The following TRIM15 variants were observed in gnomAD, a reference collection of about 807,000 sequenced individuals.
TRIM15 encodes the protein tripartite motif containing 15.
In TRIM15, 35 loss-of-function variants were observed where a neutral mutation model predicts 35.8. That is an observed-to-expected ratio of 0.98 (90% CI 0.75 to 1.30). The LOEUF is 1.30. Ranked by LOEUF, TRIM15 falls within the 50% of genes most tolerant of loss-of-function variation. TRIM15 has a pLI of 0.00. For synonymous variants in TRIM15, 252 were observed against 249.8 expected (o/e 1.01, Z -0.08); for missense variants, 590 against 593.5 (o/e 0.99, Z 0.06).
rs1335794968 is a variant in TRIM15 at position 30,168,487 on chromosome 6, A to C, written c.665A>C (p.Glu222Ala). Residue 222 changes from glutamate to alanine, a missense_variant, in exon 3 of 7, where the codon GAG (glutamate) becomes GCG (alanine). By Grantham distance (107) the Glu-to-Ala change is moderately radical. Transcript: ENST00000376694. ...ACCCGGCTTGGAGCCCAGGTCAAGGAGCTGGAGGAGAAGTGTCAGCAGCCA... is the reference window on the plus strand; with the variant it reads ...ACCCGGCTTGGAGCCCAGGTCAAGGCGCTGGAGGAGAAGTGTCAGCAGCCA... The part of the protein sequence containing the change: ...EVTRLGAQVK[E>A]LEEKCQQPAS... The C allele has an allele frequency of 6.2e-7, 1 of 1,609,090 alleles. No homozygotes were observed. Among genetic ancestry groups the C allele is most frequent in the Non-Finnish European group, 8.5e-7 (1 of 1,177,982 alleles).
chr6:30,172,473 A>G lies in TRIM15; in HGVS notation c.*124A>G. 1 of 1,370,196 alleles carries G rather than the reference A, an allele frequency of 7.3e-7. No individual in the cohort carries two copies. The highest frequency in any genetic ancestry group is 2.3e-5 in the East Asian group (1 of 43,258). The allele number at this position is 1,370,196 out of a possible 1,614,324, so 84.9% of individuals were successfully genotyped here. A position where few individuals can be genotyped will look rare whatever the true frequency, so the allele number is the denominator to read the frequency against. ...GTGAGGCGAGAGAACAGGGGACTTG[A>G]GTCTCGAACAGCGGTTGTTTTTACT... is the stretch of plus-strand genomic sequence containing the variant. On this transcript the variant is annotated 3_prime_UTR_variant, in exon 7 of 7. Coordinates refer to ENST00000376694, the MANE Select transcript of TRIM15 (RefSeq NM_033229.3).
chr6:30,166,993 CTG>C (rs1354992596), intron 1 of TRIM15, among the ~76,000 whole-genome samples, 181 bp from the exon 2 acceptor site: 1 of 152,216 alleles, frequency 6.6e-6, no homozygotes, highest in East Asian at 1.9e-4. Context: ...ATTTATCTAT[CTG>C]TATTTTAATC....
At position 30,172,585 on chromosome 6, in the gene TRIM15, CAG is replaced by C. The variant is rs1187453058; in HGVS notation, c.*238_*239del. ...CTCTGTACCTCAGAGTGCAGAACCA[CAG>C]ACGGCTTCGGCTGTGCCTAGGGCAA... On this transcript the variant is annotated 3_prime_UTR_variant, in exon 7 of 7. Coordinates refer to ENST00000376694, the MANE Select transcript of TRIM15 (RefSeq NM_033229.3). The C allele has an allele frequency of 1.4e-6, 1 of 733,302 alleles. No homozygotes were observed. Among genetic ancestry groups the C allele is most frequent in the Admixed American group, 2.0e-5 (1 of 49,602 alleles). 45.4% of individuals were successfully genotyped at this position (733,302 alleles called of 1,614,324 possible).
At chr6:30,169,762 A>T in intron 4 of TRIM15, 1 of 353,590 alleles carries the variant, frequency 2.8e-6, no homozygotes, top group South Asian at 2.2e-5. Context: ...GGCATTGTAA[A>T]TGCATGGCCC....
At chr6:30,170,059 C>A (rs1016595037) in intron 4 of TRIM15, among the ~76,000 whole-genome samples, 2 of 152,162 alleles carry the variant, frequency 1.3e-5, no homozygotes, top group African/African-American at 4.8e-5. Context: ...GAGCTGGGAC[C>A]AGAATCAGGA....
Position 30,171,922 on chromosome 6 carries a change from G to A in TRIM15, c.971G>A (p.Ser324Asn), listed in dbSNP as rs929156. Residue 324 changes from serine (S) to asparagine (N), a missense_variant, in exon 7 of 7, where the codon AGC (serine) becomes AAC (asparagine). Physicochemically the swap from Ser to Asn is conservative, Grantham distance 46. Coordinates refer to ENST00000376694, the MANE Select transcript of TRIM15 (RefSeq NM_033229.3). ...GTGAGGTACACCCGGCAGAAGAAGA[G>A]CCTGCCAGACAGCCCCCTGCGCTTC... ...KSVRYTRQKK[S>N]LPDSPLRFDG... The A allele has an allele frequency of 0.23, 370,966 of 1,597,126 alleles. 45,418 individuals are homozygous for A. Among genetic ancestry groups the A allele is most frequent in the Admixed American group, 0.25 (14,592 of 58,002 alleles).
chr6:30,166,843 C>T (rs1203353045), intron 1 of TRIM15, among the ~76,000 whole-genome samples: 1 of 152,128 alleles, frequency 6.6e-6, no homozygotes, highest in Admixed American at 6.5e-5. Context: ...AAGTCCTTTT[C>T]TCTCCCTCTC....
intron 5 of TRIM15, 121 bp from the exon 6 acceptor site, chr6:30,170,855 C>T (rs1042083453): frequency 5.9e-6 from 7 of 1,192,582 alleles, no homozygotes; most frequent in Non-Finnish European, 8.3e-6. Flanking sequence ...TCCACTAGAC[C>T]ACAGCAGAAG....
Position 30,171,881 on chromosome 6 carries a change from G to C in TRIM15, c.930G>C (p.Ser310=). The C allele has an allele frequency of 6.3e-7, 1 of 1,595,424 alleles. No individual in the cohort carries two copies. Among genetic ancestry groups the C allele is most frequent in the Non-Finnish European group, 8.5e-7 (1 of 1,170,902 alleles). The stretch of plus-strand genomic sequence containing the variant: ...CCGCCAGCCGGAGCCTGGTTCTCTC[G>C]GAAGACAGGAAGTCAGTGAGGTACA... ...PQTASRSLVL[S]EDRKSVRYTR... The change falls in exon 7 of 7, where the codon TCG becomes TCC. Residue 310 remains serine, a synonymous_variant. Transcript: ENST00000376694.
intron 3 of TRIM15, among the ~76,000 whole-genome samples, 180 bp from the exon 4 acceptor site, chr6:30,169,061 A>G (rs1008117049): frequency 6.6e-6 from 1 of 152,324 alleles, no homozygotes; most frequent in South Asian, 2.1e-4. Context: ...GACTACAGAA[A>G]CCCAAATTAG....
chr6:30,172,524 C>T lies in TRIM15; in HGVS notation c.*175C>T, dbSNP rs1460220376. 1.1e-6 allele frequency: 1 copy of T among 940,094 alleles called. No individual in the cohort carries two copies. Among genetic ancestry groups the T allele is most frequent in the Non-Finnish European group, 1.6e-6 (1 of 623,390 alleles). 58.2% of individuals were successfully genotyped at this position (940,094 alleles called of 1,614,324 possible). The stretch of plus-strand genomic sequence containing the variant: ...TTATTTATCTTAGGCCCTCAGCTCC[C>T]TGACGTCCTGAGCCTCCCTGTGACG... On this transcript the variant is annotated 3_prime_UTR_variant, in exon 7 of 7. Coordinates refer to ENST00000376694, the MANE Select transcript of TRIM15 (RefSeq NM_033229.3).
At chr6:30,168,196 A>G (rs1314883264) in intron 2 of TRIM15, 104 bp from the exon 3 acceptor site, 1 of 977,174 alleles carries the variant, frequency 1.0e-6, no homozygotes, top group African/African-American at 1.6e-5. Context: ...GTCTTGGACC[A>G]GTTGCTCCCT....
At position 30,171,058 on chromosome 6, in the gene TRIM15, C is replaced by T. The variant is rs772841473; in HGVS notation, c.880+50C>T. 7.0e-6 allele frequency: 11 copies of T among 1,582,122 alleles called. No homozygotes were observed. In the South Asian group the frequency reaches 1.3e-4, roughly 18 times the overall value. ...TCATTCTTCCATTCATCCATTCAAT[C>T]CATGGCAGCAAACAGAGCAATAAAA... On this transcript the variant is annotated intron_variant, in intron 6 of 6. Coordinates refer to ENST00000376694, the MANE Select transcript of TRIM15 (RefSeq NM_033229.3).
At position 30,172,319 on chromosome 6, in the gene TRIM15, A is replaced by G. The variant is rs1349076387; in HGVS notation, c.1368A>G (p.Lys456=). 1 of 1,611,812 alleles carries G rather than the reference A, an allele frequency of 6.2e-7. No individual in the cohort carries two copies. The highest frequency in any genetic ancestry group is 2.2e-5 in the East Asian group (1 of 44,886). Residue 456 remains lysine, a synonymous_variant, in exon 7 of 7, where the codon AAA becomes AAG. Coordinates refer to ENST00000376694, the MANE Select transcript of TRIM15 (RefSeq NM_033229.3). ...GKVFPFFAVW[K]KGSCLTLKG is the part of the protein sequence containing the mutation. ...TCTTCCCTTTCTTTGCCGTCTGGAAAAAAGGTTCCTGCCTTACGCTGAAAG... is the reference window on the plus strand; with the variant it reads ...TCTTCCCTTTCTTTGCCGTCTGGAAGAAAGGTTCCTGCCTTACGCTGAAAG...
In TRIM15 at chr6:30,163,731, G is replaced by A. The variant is rs1474075497; in HGVS notation, c.47G>A (p.Cys16Tyr). The A allele has an allele frequency of 1.9e-6, 3 of 1,612,870 alleles. No homozygotes were observed. The highest frequency in any genetic ancestry group is 1.1e-5 in the South Asian group (1 of 91,048). Residue 16 changes from cysteine (C) to tyrosine (Y), a missense_variant, in exon 1 of 7, where the codon TGT becomes TAT. By Grantham distance (194) the Cys-to-Tyr change is radical. Coordinates refer to ENST00000376694, the MANE Select transcript of TRIM15 (RefSeq NM_033229.3). ...AAGGTGGTCCATGAGCTGCCTGCCT[G>A]TACCCTCTGTGCGGGGCCGCTGGAG... ...SLKVVHELPA[C>Y]TLCAGPLEDA...
rs1773972921 is a variant in TRIM15 at position 30,170,972 on chromosome 6, T to C, written c.848-4T>C. The C allele has an allele frequency of 1.2e-6, 2 of 1,610,782 alleles. No individual in the cohort carries two copies. Among genetic ancestry groups the C allele is most frequent in the African/African-American group, 2.7e-5 (2 of 74,942 alleles). ...ATCTCTCTTTCTATTTCTGCTTCCC[T>C]CAGAAAACTTGGCGCATCATCTGGA... On this transcript the variant is annotated splice_polypyrimidine_tract_variant and splice_region_variant and intron_variant, in intron 5 of 6. Transcript: ENST00000376694.
In TRIM15 at chr6:30,163,712, G is replaced by C. The variant is rs761875911; in HGVS notation, c.28G>C (p.Val10Leu). MPATPSLKV[V>L]HELPACTLCA... is the part of the protein sequence containing the mutation. ...GCCCGCAACCCCGTCCCTGAAGGTG[G>C]TCCATGAGCTGCCTGCCTGTACCCT... The change falls in exon 1 of 7, where the codon GTC becomes CTC. Residue 10 changes from valine to leucine, a missense_variant. Coordinates refer to ENST00000376694, the MANE Select transcript of TRIM15 (RefSeq NM_033229.3). 10 of 1,611,882 alleles carry C rather than the reference G, an allele frequency of 6.2e-6. No homozygotes were observed. The highest frequency in any genetic ancestry group is 8.5e-6 in the Non-Finnish European group (10 of 1,179,474).
intron 2 of TRIM15, 91 bp from the exon 3 acceptor site, chr6:30,168,209 C>A: frequency 1.8e-6 from 2 of 1,131,432 alleles, no homozygotes; most frequent in Non-Finnish European, 2.5e-6. Flanking sequence ...TGCTCCCTAT[C>A]CCTGTTAATC....
At chr6:30,170,854 C>A in intron 5 of TRIM15, 122 bp from the exon 6 acceptor site, 1 of 1,180,554 alleles carries the variant, frequency 8.5e-7, no homozygotes, top group Non-Finnish European at 1.2e-6. Flanking sequence ...CTCCACTAGA[C>A]CACAGCAGAA....
Sources: allele counts gnomAD v4.1 joint callset (sites outside exome capture counted in the v4.1 genomes callset), GRCh38; gene constraint gnomAD v4.1.1; transcripts MANE v1.5; gene names NCBI Gene and HGNC (gene_info 2026-07-23, HGNC 2026-07-21).